Variants in ZBTB7A observed in about 807,000 individuals in gnomAD.
ZBTB7A encodes the protein zinc finger and BTB domain containing 7A, also known as zinc finger and BTB domain-containing protein 7A.
A neutral mutation model predicts 26.7 loss-of-function variants in ZBTB7A; 7 were observed. The ratio of observed to expected loss-of-function variants is 0.26; its 90% confidence interval spans 0.15 to 0.49. The LOEUF (loss-of-function observed/expected upper bound fraction) is 0.49. ZBTB7A is among the 20% of genes least tolerant of loss of function. The probability of loss-of-function intolerance (pLI) is 0.98; values close to 1 mark genes in which losing one functional copy is unlikely to be tolerated. For missense variants in ZBTB7A, 617 were observed against 919.5 expected (o/e 0.67, Z 4.25); for synonymous variants, 452 against 441.0 (o/e 1.02, Z -0.31).
In ZBTB7A at chr19:4,048,759, A is replaced by C. The variant is rs955272717; in HGVS notation, c.1263-515T>G. On this transcript the variant is annotated intron_variant, in intron 2 of 2. Coordinates refer to ENST00000322357, the MANE Select transcript of ZBTB7A (RefSeq NM_015898.4). This position sits in a 1 kb window ranked among gnomAD's most constrained non-coding sequence, Gnocchi z 6.7. ...TGCCAGCTATTAGGAAGGCTGAGGC[A>C]GGAGGATCACTTGTATCTGGGAGGT... Among the ~76,000 whole-genome samples the C allele has an allele frequency of 6.6e-6, 1 of 152,012 alleles. No individual in the cohort carries two copies. Among genetic ancestry groups the C allele is most frequent in the Non-Finnish European group, 1.5e-5 (1 of 67,976 alleles).
rs1393849568 is a variant in ZBTB7A at position 4,052,012 on chromosome 19, G to A, written c.1262+1959C>T. Among the ~76,000 whole-genome samples the A allele has an allele frequency of 6.6e-6, 1 of 152,054 alleles. No individual in the cohort carries two copies. The highest frequency in any genetic ancestry group is 6.5e-5 in the Admixed American group (1 of 15,268). Reference sequence around the variant, plus strand: ...AGGCTTTTGGAGGGTGGAGGTGCTGGTGTCCTGGGGAGGGGGGACCAGAGC... The same window carrying A: ...AGGCTTTTGGAGGGTGGAGGTGCTGATGTCCTGGGGAGGGGGGACCAGAGC... On this transcript the variant is annotated intron_variant, in intron 2 of 2. Transcript: ENST00000322357. The surrounding 1 kb of genome is among the most constrained non-coding windows in gnomAD (Gnocchi z 4.9).
intron 1 of ZBTB7A, among the ~76,000 whole-genome samples, chr19:4,058,277 G>A (rs1404502158): frequency 6.6e-6 from 1 of 152,192 alleles, no homozygotes; most frequent in Non-Finnish European, 1.5e-5. Context: ...GGACTGCCTG[G>A]CAGCCCCTCC....
rs1411967258 is a variant in ZBTB7A, at chr19:4,052,408, G to A, written c.1262+1563C>T. Among the ~76,000 whole-genome samples, 1 of 152,144 alleles carries A rather than the reference G, an allele frequency of 6.6e-6. No homozygotes were observed. Among genetic ancestry groups the A allele is most frequent in the East Asian group, 1.9e-4 (1 of 5,182 alleles). ...GGAGGGACAAACCACCAGCTACACT[G>A]CCTGCCTCCCAAAGTGCCCTTTGCC... On this transcript the variant is annotated intron_variant, in intron 2 of 2. Transcript: ENST00000322357. The surrounding 1 kb of genome is among the most constrained non-coding windows in gnomAD (Gnocchi z 4.9).
chr19:4,053,759 T>A (rs2040533827), intron 2 of ZBTB7A, among the ~76,000 whole-genome samples: 1 of 151,552 alleles, frequency 6.6e-6, no homozygotes, highest in Non-Finnish European at 1.5e-5. Context: ...TGCGTATATA[T>A]GTGCAAGTGC....
chr19:4,063,802 G>C (rs1276035387), intron 1 of ZBTB7A, among the ~76,000 whole-genome samples: 2 of 152,174 alleles, frequency 1.3e-5, no homozygotes, highest in African/African-American at 2.4e-5. Context: ...GTGACCTTGG[G>C]CCGCTCTCTG....
In ZBTB7A at chr19:4,048,257, C is replaced by T; in HGVS notation, c.1263-13G>A. 6.3e-7 allele frequency: 1 copy of T among 1,574,906 alleles called. No homozygotes were observed. Among genetic ancestry groups the T allele is most frequent in the Middle Eastern group, 1.7e-4 (1 of 5,978 alleles). ...CAGCTTGTCCTGCCTGTGGACGGGG[C>T]ACGGGGCGGGCACGGTCAGTGGGGC... On this transcript the variant is annotated splice_polypyrimidine_tract_variant and intron_variant, in intron 2 of 2. Transcript: ENST00000322357. This position sits in a 1 kb window ranked among gnomAD's most constrained non-coding sequence, Gnocchi z 6.7.
Position 4,054,735 on chromosome 19 carries a change from G to GT in ZBTB7A, c.497_498insA (p.Ser166ArgfsTer28). The GT allele has an allele frequency of 6.4e-7, 1 of 1,570,190 alleles. No individual in the cohort carries two copies. The highest frequency in any genetic ancestry group is 2.4e-5 in the East Asian group (1 of 42,312). On this transcript the variant is annotated frameshift_variant, in exon 2 of 3. Transcript: ENST00000322357. LOFTEE classifies it high-confidence loss of function. The stretch of plus-strand genomic sequence containing the variant: ...CGGGGGGCAGGCTGTTCATGGGGTT[G>GT]CTCTGGAAGAACTCGAGGTACTCCT...
At position 4,054,321 on chromosome 19, in the gene ZBTB7A, C is replaced by G; in HGVS notation, c.912G>C (p.Glu304Asp). Residue 304 changes from glutamate to aspartate, a missense_variant, in exon 2 of 3, where the codon GAG (glutamate) becomes GAC (aspartate). Transcript: ENST00000322357. ...PGFLSGAAEG[E>D]DGDGPDVDGL... ...CGTCCACGTCGGGCCCGTCCCCGTC[C>G]TCGCCCTCGGCCGCTCCCGACAGGA... is the stretch of plus-strand genomic sequence containing the variant. 6.6e-7 allele frequency: 1 copy of G among 1,521,370 alleles called. No homozygotes were observed. Among genetic ancestry groups the G allele is most frequent in the Non-Finnish European group, 8.8e-7 (1 of 1,141,242 alleles). 94.2% of individuals were successfully genotyped at this position (1,521,370 alleles called of 1,614,324 possible).
Position 4,047,943 on chromosome 19 carries a change from C to T in ZBTB7A, c.1564G>A (p.Ala522Thr), listed in dbSNP as rs756558497. The change falls in exon 3 of 3, where the codon GCC becomes ACC. Residue 522 changes from alanine to threonine, a missense_variant. Physicochemically the swap from Ala to Thr is moderately conservative, Grantham distance 58 (BLOSUM62 0). This residue lies in a region of ZBTB7A where 136 missense variants were observed against 126.6 expected (regional missense o/e 1.07). Transcript: ENST00000322357. ...PGATATPGAP[A>T]QPSSPDARRN... ...CGGGCGTCGGGGGAGCTGGGCTGGGCGGGGGCGCCGGGGGTCGCGGTGGCC... is the reference window on the plus strand; with the variant it reads ...CGGGCGTCGGGGGAGCTGGGCTGGGTGGGGGCGCCGGGGGTCGCGGTGGCC... The T allele has an allele frequency of 4.0e-6, 5 of 1,258,092 alleles. No individual in the cohort carries two copies. Among genetic ancestry groups the T allele is most frequent in the Admixed American group, 3.7e-5 (1 of 27,306 alleles). 77.9% of individuals were successfully genotyped at this position (1,258,092 alleles called of 1,614,324 possible).
chr19:4,054,479 G>T lies in ZBTB7A; in HGVS notation c.754C>A (p.Pro252Thr). 1 of 1,379,976 alleles carries T rather than the reference G, an allele frequency of 7.2e-7. No individual in the cohort carries two copies. Among genetic ancestry groups the T allele is most frequent in the East Asian group, 3.0e-5 (1 of 33,618 alleles). The allele number at this position is 1,379,976 out of a possible 1,614,324, so 85.5% of individuals were successfully genotyped here. ...GGCGGCGGAAAGAGACCCCCGGTGG[G>T]GGCGTCCTCATCCCGCTCTGGCCAC... The part of the protein sequence containing the change: ...GLWPERDEDA[P>T]TGGLFPPPVA... Residue 252 changes from proline to threonine, a missense_variant, in exon 2 of 3, where the codon CCC (proline) becomes ACC (threonine). By Grantham distance (38) the Pro-to-Thr change is conservative. Coordinates refer to ENST00000322357, the MANE Select transcript of ZBTB7A (RefSeq NM_015898.4).
intron 1 of ZBTB7A, among the ~76,000 whole-genome samples, chr19:4,064,971 C>G (rs945192627): frequency 6.6e-6 from 1 of 151,954 alleles, no homozygotes; most frequent in South Asian, 2.1e-4. Flanking sequence ...TCCCAGAACC[C>G]GCAGAGGCCC....
At position 4,046,619 on chromosome 19, in the gene ZBTB7A, T is replaced by C. The variant is rs1374741150; in HGVS notation, c.*1133A>G. ...CATTTTGTAAAACCTTTTTTTTTTC[T>C]AGTTTGTTTTATTGCTTTTGTGACA... is the stretch of plus-strand genomic sequence containing the variant. On this transcript the variant is annotated 3_prime_UTR_variant, in exon 3 of 3. Transcript: ENST00000322357. 1.3e-5 allele frequency: 2 copies of C among 149,742 alleles called. No homozygotes were observed. Among genetic ancestry groups the C allele is most frequent in the Non-Finnish European group, 3.0e-5 (2 of 67,286 alleles). 9.3% of individuals were successfully genotyped at this position (149,742 alleles called of 1,614,324 possible). A position where few individuals can be genotyped will look rare whatever the true frequency, so the allele number is the denominator to read the frequency against.
chr19:4,061,350 AG>A (rs530393512), intron 1 of ZBTB7A, among the ~76,000 whole-genome samples: 1,656 of 152,214 alleles, frequency 0.011, 12 homozygotes, highest in Non-Finnish European at 0.019. Context: ...TGCGGCTGCC[AG>A]GCCCGCACCC....
chr19:4,066,183 T>C (rs1599266701), intron 1 of ZBTB7A, among the ~76,000 whole-genome samples: 1 of 51,030 alleles, frequency 2.0e-5, no homozygotes, highest in African/African-American at 7.7e-5. Flanking sequence ...CCCCCCTCCC[T>C]GTTTTTTCAG....
intron 2 of ZBTB7A, among the ~76,000 whole-genome samples, chr19:4,049,209 T>C (rs1568230667): frequency 6.7e-5 from 2 of 30,006 alleles, no homozygotes; most frequent in Non-Finnish European, 2.1e-4. Context: ...TATATATATA[T>C]GTAAGTTTGA....
At chr19:4,050,251 G>T (rs1379779625) in intron 2 of ZBTB7A, among the ~76,000 whole-genome samples, 2 of 152,046 alleles carry the variant, frequency 1.3e-5, no homozygotes, top group African/African-American at 4.8e-5. Context: ...ATGGAGACAG[G>T]GTTTTCACCA....
intron 1 of ZBTB7A, among the ~76,000 whole-genome samples, chr19:4,063,081 G>GGGGGT (rs2040656143): frequency 6.6e-6 from 1 of 152,092 alleles, no homozygotes; most frequent in Non-Finnish European, 1.5e-5. Context: ...TTTATGGTCT[G>GGGGGT]GCAGGTGACA....
intron 1 of ZBTB7A, among the ~76,000 whole-genome samples, chr19:4,064,692 A>T (rs1453166041): frequency 6.6e-6 from 1 of 152,170 alleles, no homozygotes; most frequent in Non-Finnish European, 1.5e-5. Flanking sequence ...CTCCGGAGGC[A>T]GCTGGCAGGG....
At position 4,054,364 on chromosome 19, in the gene ZBTB7A, G is replaced by A; in HGVS notation, c.869C>T (p.Pro290Leu). 8.2e-6 allele frequency: 12 copies of A among 1,458,870 alleles called. No homozygotes were observed. The highest frequency in any genetic ancestry group is 1.1e-5 in the Non-Finnish European group (12 of 1,116,322). 90.4% of individuals were successfully genotyped at this position (1,458,870 alleles called of 1,614,324 possible). The change falls in exon 2 of 3, where the codon CCG becomes CTG. Residue 290 changes from proline to leucine, a missense_variant. By Grantham distance (98) the Pro-to-Leu change is moderately conservative. Transcript: ENST00000322357. ...CGACAGGAAGCCCGGAGAGTCGCCC[G>A]GCTCGGGGGCCGCCTCCGACAGCGA... ...AASLSEAAPE[P>L]GDSPGFLSGA...
Sources: allele counts gnomAD v4.1 joint callset (sites outside exome capture counted in the v4.1 genomes callset), GRCh38; gene constraint gnomAD v4.1.1; regional missense constraint gnomAD v4.1.1; non-coding constraint Gnocchi (gnomAD v3.1); transcripts MANE v1.5; gene names NCBI Gene and HGNC (gene_info 2026-07-23, HGNC 2026-07-21).